Variants in SPATA13 observed in about 807,000 individuals in gnomAD.
The protein encoded by SPATA13 is spermatogenesis-associated protein 13.
Under a neutral mutation model 104.0 loss-of-function variants are expected in SPATA13, and 50 were observed. The ratio of observed to expected loss-of-function variants is 0.48; its 90% CI spans 0.38 to 0.61. The LOEUF is 0.61. SPATA13 is among the 20% of genes least tolerant of loss of function. SPATA13 has a pLI of 0.00. For missense variants in SPATA13, 1,524 were observed against 1,690.6 expected, an observed-to-expected ratio of 0.90 and a Z score of 1.73; for synonymous variants, 606 against 667.5, an observed-to-expected ratio of 0.91 and a Z score of 1.42.
intron 1 of SPATA13, among the ~76,000 whole-genome samples, chr13:24,191,613 C>T (rs1869764137): frequency 7.0e-6 from 1 of 142,216 alleles, no homozygotes; most frequent in African/African-American, 2.5e-5. Context: ...GGGTTCACGC[C>T]ATTCTCCTGC....
intron 3 of SPATA13, among the ~76,000 whole-genome samples, chr13:24,105,710 G>T (rs962280267): frequency 6.6e-6 from 1 of 152,172 alleles, no homozygotes; most frequent in Non-Finnish European, 1.5e-5. Context: ...AACATTCATA[G>T]GTCAAAGCCC....
At chr13:23,982,261 T>A (rs1874937042) in intron 1 of SPATA13, among the ~76,000 whole-genome samples, 1 of 152,232 alleles carries the variant, frequency 6.6e-6, no homozygotes, top group Non-Finnish European at 1.5e-5. Context: ...TGGACCTGGC[T>A]GGTCCTGCAT....
rs546173339 is a variant in SPATA13 at position 24,167,847 on chromosome 13, C to CA, written c.-112+6916dup. ...CCATCATGAATATTCATTCTTCCTT[C>CA]ATTCATTGTTTTATTCATTCAGCAA... is the stretch of plus-strand genomic sequence containing the variant. On this transcript the variant is annotated intron_variant, in intron 1 of 12. Transcript: ENST00000382108. Among the ~76,000 whole-genome samples the CA allele has an allele frequency of 1.4e-4, 22 of 152,304 alleles. No homozygotes were observed. The South Asian group carries it at 4.6e-3, about 32-fold the overall frequency.
chr13:24,249,977 T>C, intron 3 of SPATA13, 135 bp downstream of exon 3: 1 of 1,169,248 alleles, frequency 8.6e-7, no homozygotes, highest in Non-Finnish European at 1.2e-6. Flanking sequence ...AACCACCTTT[T>C]CTTCCTGACT....
chr13:24,236,727 T>TA (rs150727601), intron 2 of SPATA13, among the ~76,000 whole-genome samples: 2 of 151,654 alleles, frequency 1.3e-5, no homozygotes, highest in Non-Finnish European at 2.9e-5. Flanking sequence ...ATGGCTACTA[T>TA]AAAAAAAATA....
chr13:24,082,076 G>A (rs908814118), intron 3 of SPATA13, among the ~76,000 whole-genome samples: 1 of 152,212 alleles, frequency 6.6e-6, no homozygotes, highest in East Asian at 1.9e-4. Context: ...GATGGAACCT[G>A]GAATCATAGC....
intron 3 of SPATA13, among the ~76,000 whole-genome samples, chr13:24,046,615 A>G (rs1470272332): frequency 6.6e-6 from 1 of 150,650 alleles, no homozygotes; most frequent in Admixed American, 6.6e-5. Flanking sequence ...TGTGGGTAGC[A>G]AGAGTTTGTT....
At chr13:24,241,766 A>T (rs904737642) in intron 2 of SPATA13, among the ~76,000 whole-genome samples, 1 of 152,194 alleles carries the variant, frequency 6.6e-6, no homozygotes, top group Non-Finnish European at 1.5e-5. Context: ...AGATTATTCC[A>T]CCAGGCCAGG....
intron 3 of SPATA13, among the ~76,000 whole-genome samples, chr13:24,056,862 G>A (rs1878567704): frequency 6.6e-6 from 1 of 151,850 alleles, no homozygotes; most frequent in African/African-American, 2.4e-5. Context: ...CATAAAAAGG[G>A]AGTGGCCTTC....
intron 3 of SPATA13, among the ~76,000 whole-genome samples, chr13:24,070,799 A>T (rs563326797): frequency 6.6e-6 from 1 of 152,118 alleles, no homozygotes; most frequent in African/African-American, 2.4e-5. Flanking sequence ...ACTGTCTTCA[A>T]ACTGGCACGT....
chr13:24,224,853 T>G (rs1871840818), intron 2 of SPATA13: 1 of 518,404 alleles, frequency 1.9e-6, no homozygotes, highest in African/African-American at 1.9e-5. Flanking sequence ...TTATTGAACA[T>G]GTACCAGGTA....
At chr13:24,215,290 C>T (rs1871215917) in intron 1 of SPATA13, among the ~76,000 whole-genome samples, 1 of 152,122 alleles carries the variant, frequency 6.6e-6, no homozygotes, top group Non-Finnish European at 1.5e-5. Flanking sequence ...AATCTCAGTT[C>T]AATTAGAAGA....
intron 3 of SPATA13, among the ~76,000 whole-genome samples, chr13:24,026,058 C>T (rs1480577256): frequency 6.6e-6 from 1 of 152,146 alleles, no homozygotes; most frequent in Non-Finnish European, 1.5e-5. Flanking sequence ...CTGCCTCGGC[C>T]TTCTAAATAC....
intron 1 of SPATA13, among the ~76,000 whole-genome samples, chr13:24,167,670 T>C (rs575465921): frequency 6.6e-6 from 1 of 152,178 alleles, no homozygotes; most frequent in South Asian, 2.1e-4. Flanking sequence ...AGTGCCAGTT[T>C]ACACACACAC....
At chr13:24,018,424 G>C (rs1876815889) in intron 3 of SPATA13, among the ~76,000 whole-genome samples, 1 of 152,164 alleles carries the variant, frequency 6.6e-6, no homozygotes, top group Admixed American at 6.5e-5. Context: ...ATCTGAGGAA[G>C]GTCTTTTAGG....
chr13:24,280,756 G>A (rs536178517), intron 4 of SPATA13, among the ~76,000 whole-genome samples: 5 of 152,168 alleles, frequency 3.3e-5, no homozygotes, highest in Admixed American at 2.6e-4. Flanking sequence ...TTCCCTTGGA[G>A]TCTAAAACAC....
rs899926504 is a variant in SPATA13, at chr13:24,123,166, C to A, written c.-111-99653C>A. 5 of 1,181,190 alleles carry A rather than the reference C, an allele frequency of 4.2e-6. No homozygotes were observed. In the African/African-American group the frequency reaches 7.4e-5, roughly 18 times the overall value. 73.2% of individuals were successfully genotyped at this position (1,181,190 alleles called of 1,614,324 possible). The stretch of plus-strand genomic sequence containing the variant: ...GTTTCTCTGATAATATGAAGAAGAG[C>A]CTGCATTACAGGTCTGATGAATGGT... On this transcript the variant is annotated intron_variant, in intron 3 of 14. Transcript: ENST00000424834.
rs924561785 is a variant in SPATA13 at position 24,251,572 on chromosome 13, C to T, written c.2020-146C>T. The stretch of plus-strand genomic sequence containing the variant: ...AGCATCATGAGTTGCCACTGGGCTT[C>T]GGTGCAGCCTGCAACTCGTGGCAGG... On this transcript the variant is annotated intron_variant, in intron 3 of 12. Transcript: ENST00000382108. 71 of 1,492,468 alleles carry T rather than the reference C, an allele frequency of 4.8e-5. No individual in the cohort carries two copies. In the African/African-American group the frequency reaches 7.1e-4, roughly 15 times the overall value. The allele number at this position is 1,492,468 out of a possible 1,614,324, so 92.5% of individuals were successfully genotyped here. A position where few individuals can be genotyped will look rare whatever the true frequency, so the allele number is the denominator to read the frequency against.
Position 24,145,968 on chromosome 13 carries a change from C to T in SPATA13, c.-111-76851C>T, listed in dbSNP as rs182592778. On this transcript the variant is annotated intron_variant, in intron 3 of 14. Transcript: ENST00000424834. The stretch of plus-strand genomic sequence containing the variant: ...CGACCAAGTCAACAGGCATAGACTG[C>T]GGGGGCCAATCTGTCTGCAGCTGAA... 7.2e-5 allele frequency among the ~76,000 whole-genome samples: 11 copies of T among 152,244 alleles called. No homozygotes were observed. In the East Asian group the frequency reaches 1.4e-3, roughly 19 times the overall value.
Sources: allele counts gnomAD v4.1 joint callset (sites outside exome capture counted in the v4.1 genomes callset), GRCh38; gene constraint gnomAD v4.1.1; transcripts MANE v1.5; gene names NCBI Gene and HGNC (gene_info 2026-07-23, HGNC 2026-07-21).